Variants in BLK observed in about 807,000 individuals in gnomAD.
The protein encoded by BLK is tyrosine-protein kinase Blk.
BLK carries 64 observed loss-of-function variants against 61.8 expected under a neutral mutation model. That is an observed-to-expected ratio of 1.03 (90% CI 0.85 to 1.27). The LOEUF is 1.27. BLK is among the 50% of genes most tolerant of loss of function. The pLI is 0.00. For synonymous variants in BLK, 351 were observed against 272.0 expected (o/e 1.29, Z -2.86); for missense variants, 853 against 660.5 (o/e 1.29, Z -3.19).
rs1284697634 is a variant in BLK, at chr8:11,554,857, C to T, written c.587C>T (p.Pro196Leu). ...TACATCTCCCCCCGGATCACCTTCC[C>T]CTCGCTCCAGGCCCTGGTGCAGCAC... Reference protein sequence around the residue: ...GYYISPRITFPSLQALVQHYS... With the variant: ...GYYISPRITFLSLQALVQHYS... The change falls in exon 7 of 13, where the codon CCC becomes CTC. Residue 196 changes from proline (P) to leucine (L), a missense_variant. Pro to Leu is a moderately conservative substitution (Grantham distance 98). Transcript: ENST00000259089. 1.9e-6 allele frequency: 3 copies of T among 1,613,734 alleles called. No individual in the cohort carries two copies. Among genetic ancestry groups the T allele is most frequent in the Non-Finnish European group, 2.5e-6 (3 of 1,179,970 alleles).
chr8:11,514,918 G>C (rs1466327986), intron 1 of BLK, among the ~76,000 whole-genome samples: 4 of 152,064 alleles, frequency 2.6e-5, no homozygotes, highest in Non-Finnish European at 5.9e-5. Flanking sequence ...TCAAATCTAG[G>C]AGTCACTGAC....
intron 1 of BLK, among the ~76,000 whole-genome samples, chr8:11,508,313 C>T (rs1585327478): frequency 6.6e-6 from 1 of 152,248 alleles, no homozygotes; most frequent in South Asian, 2.1e-4. Context: ...AGATCAAGAG[C>T]CAAGAACGGG....
chr8:11,547,793 G>A (rs1585395702), intron 3 of BLK, among the ~76,000 whole-genome samples: 1 of 152,092 alleles, frequency 6.6e-6, no homozygotes, highest in South Asian at 2.1e-4. Flanking sequence ...CCTCACACAC[G>A]CCTTGTCCAG....
At chr8:11,505,117 C>A (rs902127041) in intron 1 of BLK, among the ~76,000 whole-genome samples, 1 of 152,172 alleles carries the variant, frequency 6.6e-6, no homozygotes, top group African/African-American at 2.4e-5. Flanking sequence ...GGCACACATA[C>A]AGGTACATCT....
chr8:11,552,212 A>T (rs1800937106), intron 6 of BLK, among the ~76,000 whole-genome samples: 1 of 152,212 alleles, frequency 6.6e-6, no homozygotes, highest in Admixed American at 6.5e-5. Context: ...AACCCAGAGT[A>T]TGAAAAGCTG....
At chr8:11,525,054 T>G (rs1276067543) in intron 1 of BLK, among the ~76,000 whole-genome samples, 3 of 152,208 alleles carry the variant, frequency 2.0e-5, no homozygotes. Context: ...ATTGATGGTG[T>G]GAAGGGGAAA....
chr8:11,558,661 C>A (rs946654270), intron 10 of BLK: 1 of 456,220 alleles, frequency 2.2e-6, no homozygotes, highest in Non-Finnish European at 4.4e-6. Context: ...ACATGCAGAA[C>A]TTTCTGGACT....
intron 1 of BLK, among the ~76,000 whole-genome samples, chr8:11,508,234 G>A (rs890395074): frequency 1.3e-5 from 2 of 152,208 alleles, no homozygotes; most frequent in African/African-American, 2.4e-5. Context: ...AGCGTGTCAC[G>A]GCGCGAAGGC....
intron 1 of BLK, among the ~76,000 whole-genome samples, chr8:11,501,992 A>G (rs1211763071): frequency 6.6e-6 from 1 of 152,260 alleles, no homozygotes. Flanking sequence ...GCCGACCTGT[A>G]GCATTTGCCT....
At chr8:11,554,314 G>A (rs17744726) in intron 6 of BLK, 59,206 of 253,032 alleles carry the variant, frequency 0.23, 8,219 homozygotes, top group Non-Finnish European at 0.3. Flanking sequence ...TTGCAGCTGT[G>A]AATGGCTATC....
intron 6 of BLK, among the ~76,000 whole-genome samples, chr8:11,552,231 C>A (rs1449859511): frequency 1.3e-5 from 2 of 152,178 alleles, no homozygotes; most frequent in Non-Finnish European, 2.9e-5. Context: ...TGTCATAGCA[C>A]CCTGTGATTC....
At chr8:11,558,428 G>A (rs1001009394) in intron 10 of BLK, 6 of 360,604 alleles carry the variant, frequency 1.7e-5, no homozygotes, top group African/African-American at 1.1e-4. Flanking sequence ...CTTAGATGGT[G>A]CCCACAAACA....
At chr8:11,556,583 C>A (rs1585414060) in intron 8 of BLK, 75 bp from the exon 9 acceptor site, 3 of 1,594,192 alleles carry the variant, frequency 1.9e-6, no homozygotes, top group East Asian at 4.5e-5. Context: ...GGCACTTACC[C>A]CGATTTTGGT....
At chr8:11,549,181 G>A in intron 5 of BLK, 59 bp downstream of exon 5, 1 of 1,470,238 alleles carries the variant, frequency 6.8e-7, no homozygotes, top group South Asian at 1.2e-5. Context: ...CTGCTCCCTG[G>A]GCTGTTAGGC....
intron 1 of BLK, among the ~76,000 whole-genome samples, chr8:11,535,551 C>G (rs908705313): frequency 6.6e-6 from 1 of 152,242 alleles, no homozygotes; most frequent in African/African-American, 2.4e-5. Flanking sequence ...CCCAGTTTCT[C>G]ATCCTTTGCT....
At chr8:11,546,246 T>C in intron 3 of BLK, 143 bp downstream of exon 3, 1 of 986,670 alleles carries the variant, frequency 1.0e-6, no homozygotes, top group Middle Eastern at 2.1e-4. Context: ...GCCCCGGCTC[T>C]GTGCCTCTTG....
rs115822539 is a variant in BLK, at chr8:11,522,593, G to C, written c.-1-20631G>C. Among the ~76,000 whole-genome samples the C allele has an allele frequency of 4.8e-3, 727 of 151,698 alleles. 4 individuals carry two copies. The highest frequency in any genetic ancestry group is 0.017 in the African/African-American group (692 of 41,306). On this transcript the variant is annotated intron_variant, in intron 1 of 12. Coordinates refer to ENST00000259089, the MANE Select transcript of BLK (RefSeq NM_001715.3). ...AATGTATGAGGTTGCCCATCCCAAT[G>C]CATTTCATCATTTTGAAACAGTGTC...
At chr8:11,560,894 T>C (rs905804654) in intron 10 of BLK, 17 of 467,656 alleles carry the variant, frequency 3.6e-5, no homozygotes, top group East Asian at 1.3e-4. Context: ...CTCCAGGAGC[T>C]GTGCTTCCAG....
rs572365920 is a variant in BLK, at chr8:11,560,523, G to A, written c.1030-779G>A. On this transcript the variant is annotated intron_variant, in intron 10 of 12. Transcript: ENST00000259089. ...TCGCATGTCTGAAGAGGTAAATGGG[G>A]TCTCTGCTTTCTGCCTCAGTTTCTT... The A allele has an allele frequency of 1.4e-5, 4 of 282,774 alleles. No homozygotes were observed. In the East Asian group the frequency reaches 4.0e-4, roughly 28 times the overall value. The allele number at this position is 282,774 out of a possible 1,614,324, so 17.5% of individuals were successfully genotyped here.
Sources: gnomAD v4.1 joint callset for allele counts (sites outside exome capture counted in the v4.1 genomes callset) on GRCh38, gnomAD v4.1.1 for gene constraint, MANE v1.5 for transcripts, NCBI Gene and HGNC (gene_info 2026-07-23, HGNC 2026-07-21) for gene names.